Variants in UNC5D observed in about 807,000 individuals in gnomAD.
UNC5D encodes the protein unc-5 netrin receptor D.
UNC5D carries 39 observed loss-of-function variants against 105.4 expected under a neutral mutation model. The observed-to-expected ratio is 0.37, with a 90% CI of 0.29 to 0.48. The LOEUF (loss-of-function observed/expected upper bound fraction) is 0.48. Ranked by LOEUF, UNC5D falls within the 20% of genes least tolerant of loss-of-function variation. The probability of loss-of-function intolerance (pLI) is 0.98; values close to 1 mark genes in which losing one functional copy is unlikely to be tolerated. For synonymous variants in UNC5D, 452 were observed against 450.4 expected (o/e 1.00, Z -0.04); for missense variants, 991 against 1,202.4 (o/e 0.82, Z 2.60).
At chr8:35,409,826 C>G (rs61048855) in intron 1 of UNC5D, among the ~76,000 whole-genome samples, 7,894 of 151,960 alleles carry the variant, frequency 0.052, 245 homozygotes, top group African/African-American at 0.082. Flanking sequence ...TGCAGATTTC[C>G]TCCTATTTTT....
At chr8:35,350,749 G>A (rs1016636096) in intron 1 of UNC5D, among the ~76,000 whole-genome samples, 8 of 151,982 alleles carry the variant, frequency 5.3e-5, no homozygotes, top group Admixed American at 3.3e-4. Flanking sequence ...TAAACCGGGG[G>A]AATGGGAAAC....
intron 7 of UNC5D, among the ~76,000 whole-genome samples, chr8:35,702,665 G>A (rs1320959742): frequency 6.6e-6 from 1 of 152,182 alleles, no homozygotes; most frequent in Non-Finnish European, 1.5e-5. Context: ...TGAAGTCAGT[G>A]GGTAGCCCTC....
At chr8:35,506,302 G>A (rs186094857) in intron 1 of UNC5D, among the ~76,000 whole-genome samples, 36 of 152,252 alleles carry the variant, frequency 2.4e-4, no homozygotes, top group African/African-American at 8.7e-4. Flanking sequence ...TTTCTTCTTG[G>A]ATACATCTTT....
intron 4 of UNC5D, 110 bp downstream of exon 4, chr8:35,595,767 T>C: frequency 4.4e-6 from 4 of 916,406 alleles, no homozygotes; most frequent in Non-Finnish European, 6.8e-6. Flanking sequence ...ATGTCTGGGA[T>C]TCTTGTTGCC....
chr8:35,582,828 G>A (rs1244851444), intron 3 of UNC5D, among the ~76,000 whole-genome samples: 1 of 152,104 alleles, frequency 6.6e-6, no homozygotes, highest in Non-Finnish European at 1.5e-5. Flanking sequence ...TCTTAAACTT[G>A]TTGCTAGTTC....
chr8:35,425,462 A>T (rs1051497612), intron 1 of UNC5D, among the ~76,000 whole-genome samples: 2 of 151,960 alleles, frequency 1.3e-5, no homozygotes, highest in Non-Finnish European at 2.9e-5. Context: ...ACTCTCCGAG[A>T]CCCCCACCCC....
intron 1 of UNC5D, among the ~76,000 whole-genome samples, chr8:35,546,224 C>T (rs886588353): frequency 1.3e-5 from 2 of 152,054 alleles, no homozygotes; most frequent in African/African-American, 4.8e-5. Flanking sequence ...GGGGGATCCT[C>T]GGGTAGCTAG....
intron 1 of UNC5D, among the ~76,000 whole-genome samples, chr8:35,238,096 G>A (rs1802583938): frequency 6.6e-6 from 1 of 152,140 alleles, no homozygotes; most frequent in South Asian, 2.1e-4. Flanking sequence ...TTGTTGATTT[G>A]AAACAAGATA....
chr8:35,404,639 G>A (rs769051573), intron 1 of UNC5D, among the ~76,000 whole-genome samples: 1 of 152,060 alleles, frequency 6.6e-6, no homozygotes, highest in African/African-American at 2.4e-5. Context: ...CCAGGCTGGA[G>A]TGCAGTGGTG....
chr8:35,679,444 A>T (rs1187852489), intron 4 of UNC5D, among the ~76,000 whole-genome samples: 1 of 152,144 alleles, frequency 6.6e-6, no homozygotes, highest in South Asian at 2.1e-4. Context: ...GGGCAGAGGA[A>T]TCAGTAGGTA....
intron 3 of UNC5D, among the ~76,000 whole-genome samples, chr8:35,583,354 A>G (rs566931359): frequency 1.3e-5 from 2 of 152,166 alleles, no homozygotes; most frequent in Admixed American, 1.3e-4. Flanking sequence ...CCCAATCTCT[A>G]AAGTGTGTGT....
chr8:35,697,645 C>T (rs944967907), intron 7 of UNC5D, among the ~76,000 whole-genome samples: 11 of 152,068 alleles, frequency 7.2e-5, no homozygotes, highest in South Asian at 2.1e-4. Flanking sequence ...ATTGCAATTA[C>T]GGACACTGTA....
intron 1 of UNC5D, among the ~76,000 whole-genome samples, chr8:35,385,462 C>CTTTTTTTTTTTTT (rs33929902): frequency 1.2e-5 from 1 of 84,612 alleles, no homozygotes; most frequent in Non-Finnish European, 2.4e-5. Context: ...CTACCTACCT[C>CTTTTTTTTTTTTT]TTTTTTTTTT....
At chr8:35,666,896 C>G (rs1371337366) in intron 4 of UNC5D, among the ~76,000 whole-genome samples, 2 of 152,070 alleles carry the variant, frequency 1.3e-5, no homozygotes, top group Admixed American at 1.3e-4. Context: ...GGTTCATTAT[C>G]CATGATCCAC....
chr8:35,287,026 A>G (rs1585499991), intron 1 of UNC5D, among the ~76,000 whole-genome samples: 1 of 152,306 alleles, frequency 6.6e-6, no homozygotes, highest in East Asian at 1.9e-4. Flanking sequence ...ATACTATTTG[A>G]TCTCAGAGCA....
At chr8:35,596,796 A>T (rs918777600) in intron 4 of UNC5D, among the ~76,000 whole-genome samples, 1 of 152,222 alleles carries the variant, frequency 6.6e-6, no homozygotes, top group African/African-American at 2.4e-5. Flanking sequence ...AAAGGATGCG[A>T]TCAGATATGC....
chr8:35,623,200 G>A (rs925239768), intron 4 of UNC5D, among the ~76,000 whole-genome samples: 6 of 151,946 alleles, frequency 3.9e-5, no homozygotes, highest in African/African-American at 1.2e-4. Flanking sequence ...TCTCTGCCAC[G>A]GCTATCAGAC....
chr8:35,342,716 C>A (rs1358778712), intron 1 of UNC5D, among the ~76,000 whole-genome samples: 1 of 152,032 alleles, frequency 6.6e-6, no homozygotes, highest in African/African-American at 2.4e-5. Flanking sequence ...CTCACAGATT[C>A]CTGGGTACAG....
intron 1 of UNC5D, among the ~76,000 whole-genome samples, chr8:35,435,154 G>C (rs926641331): frequency 6.6e-6 from 1 of 151,936 alleles, no homozygotes; most frequent in South Asian, 2.1e-4. Flanking sequence ...CAAAATTACT[G>C]TATCTATTTT....
Sources: allele counts gnomAD v4.1 joint callset (sites outside exome capture counted in the v4.1 genomes callset), GRCh38; gene constraint gnomAD v4.1.1; transcripts MANE v1.5; gene names NCBI Gene and HGNC (gene_info 2026-07-23, HGNC 2026-07-21).